MTTP: variants seen among roughly 807,000 people sequenced by gnomAD.
The protein encoded by MTTP is microsomal triglyceride transfer protein large subunit.
In MTTP, 49 loss-of-function variants were observed where a neutral mutation model predicts 90.6. The observed-to-expected ratio is 0.54, with a 90% CI of 0.43 to 0.69. MTTP has a LOEUF of 0.69. Among genes scored for constraint, MTTP ranks in the 30% least tolerant of loss-of-function variants. The pLI is 0.00. For synonymous variants in MTTP, 347 were observed against 384.2 expected (o/e 0.90, Z 1.13); for missense variants, 945 against 1,067.5 (o/e 0.89, Z 1.60).
chr4:99,601,649 A>G lies in MTTP; in HGVS notation c.1279A>G (p.Thr427Ala). Reference protein sequence around the residue: ...GSIGSSDIRETVMIITGTLVR... With the variant: ...GSIGSSDIREAVMIITGTLVR... ...TATTGGTAGCAGTGACATCAGAGAA[A>G]CTGTTATGATCATCACTGGGACACT... Residue 427 changes from threonine (T) to alanine (A), a missense_variant, in exon 10 of 18, where the codon ACT becomes GCT. Thr to Ala is a moderately conservative substitution (Grantham distance 58). Transcript: ENST00000265517. 1 of 1,613,098 alleles carries G rather than the reference A, an allele frequency of 6.2e-7. No homozygotes were observed. Among genetic ancestry groups the G allele is most frequent in the Non-Finnish European group, 8.5e-7 (1 of 1,179,290 alleles).
At chr4:99,578,500 G>A (rs943569608) in intron 1 of MTTP, among the ~76,000 whole-genome samples, 2 of 152,148 alleles carry the variant, frequency 1.3e-5, no homozygotes, top group African/African-American at 4.8e-5. Context: ...TATTTGAACC[G>A]TTTTAGGCTT....
chr4:99,581,628 A>C (rs1483894676), intron 1 of MTTP, among the ~76,000 whole-genome samples: 1 of 152,208 alleles, frequency 6.6e-6, no homozygotes, highest in African/African-American at 2.4e-5. Flanking sequence ...AAACAAAAAA[A>C]AACCCAAAAT....
chr4:99,583,551 C>T lies in MTTP; in HGVS notation c.393+34C>T, dbSNP rs769131968. On this transcript the variant is annotated intron_variant, in intron 3 of 17. Transcript: ENST00000265517. The stretch of plus-strand genomic sequence containing the variant: ...GCGTTTAGATTCCACAACTTTTTCT[C>T]CAACTTCATATTTTTCTTCCCTTCA... The T allele has an allele frequency of 3.1e-6, 5 of 1,612,522 alleles. No individual in the cohort carries two copies. The East Asian group carries it at 1.1e-4, about 36-fold the overall frequency.
At chr4:99,617,430 A>G (rs1726124307) in intron 15 of MTTP, among the ~76,000 whole-genome samples, 1 of 152,140 alleles carries the variant, frequency 6.6e-6, no homozygotes, top group Admixed American at 6.5e-5. Context: ...TTTTTTTGGA[A>G]AGTGAAGAGA....
At chr4:99,568,426 A>G (rs955832402) in intron 1 of MTTP, among the ~76,000 whole-genome samples, 8 of 152,298 alleles carry the variant, frequency 5.3e-5, no homozygotes, top group African/African-American at 1.9e-4. Context: ...ATAGGTATAA[A>G]TCTAAAAAAT....
At chr4:99,605,657 G>T (rs142993446) in intron 10 of MTTP, among the ~76,000 whole-genome samples, 1 of 152,140 alleles carries the variant, frequency 6.6e-6, no homozygotes, top group East Asian at 1.9e-4. Context: ...ACCATTTTAG[G>T]CTTTCATCAG....
At chr4:99,579,017 A>T (rs1327662809) in intron 1 of MTTP, among the ~76,000 whole-genome samples, 1 of 152,210 alleles carries the variant, frequency 6.6e-6, no homozygotes, top group African/African-American at 2.4e-5. Flanking sequence ...AATGCAGAAG[A>T]CATAGAGATA....
At chr4:99,594,335 T>C (rs1725497969) in intron 6 of MTTP, among the ~76,000 whole-genome samples, 1 of 152,014 alleles carries the variant, frequency 6.6e-6, no homozygotes, top group African/African-American at 2.4e-5. Context: ...AAAAATAGAG[T>C]TGAGACTATT....
intron 8 of MTTP, 115 bp from the exon 9 acceptor site, chr4:99,600,447 TAAA>T: frequency 1.0e-6 from 1 of 987,750 alleles, no homozygotes. Context: ...TTGTTCAAAT[TAAA>T]AAAAAAATCA....
At chr4:99,588,696 T>TAC (rs200397669) in intron 3 of MTTP, among the ~76,000 whole-genome samples, 3,175 of 126,092 alleles carry the variant, frequency 0.025, 57 homozygotes, top group Non-Finnish European at 0.033. Flanking sequence ...AATATATATA[T>TAC]ACACACATAT....
chr4:99,572,507 C>G (rs1724861468), upstream of MTTP, among the ~76,000 whole-genome samples: 1 of 151,836 alleles, frequency 6.6e-6, no homozygotes, highest in Non-Finnish European at 1.5e-5. Context: ...TTCTGTAGTC[C>G]TAATATCACT....
Position 99,623,344 on chromosome 4 carries a change from T to C in MTTP, c.*496T>C. On this transcript the variant is annotated 3_prime_UTR_variant, in exon 18 of 18. Coordinates refer to ENST00000265517, the MANE Select transcript of MTTP (RefSeq NM_001386140.1). ...CCATTTTTTTTCTCTTTTTTTGGAG[T>C]TGGGGGCCCAGGGAGAAGGGACAAG... 1 of 162,790 alleles carries C rather than the reference T, an allele frequency of 6.1e-6. No individual in the cohort carries two copies. The highest frequency in any genetic ancestry group is 1.6e-4 in the South Asian group (1 of 6,266). 10.1% of individuals were successfully genotyped at this position (162,790 alleles called of 1,614,324 possible).
In MTTP at chr4:99,616,172, T is replaced by A. The variant is rs565410977; in HGVS notation, c.2218-2802T>A. Among the ~76,000 whole-genome samples, 338 of 152,246 alleles carry A rather than the reference T, an allele frequency of 2.2e-3. 1 individual carries two copies. The highest frequency in any genetic ancestry group is 7.7e-3 in the African/African-American group (318 of 41,546). On this transcript the variant is annotated intron_variant, in intron 15 of 17. Transcript: ENST00000265517. ...ACTTTGGGTGGCCAAGGCAGGTGGA[T>A]CCCTTGAGCTCAGAAGTTTGAGACC...
intron 9 of MTTP, among the ~76,000 whole-genome samples, chr4:99,601,229 A>G (rs1725687808): frequency 6.6e-6 from 1 of 152,116 alleles, no homozygotes; most frequent in Non-Finnish European, 1.5e-5. Context: ...AATAGTTCAT[A>G]ATCTTTATGG....
intron 17 of MTTP, among the ~76,000 whole-genome samples, chr4:99,621,456 A>G (rs996951800): frequency 9.9e-5 from 15 of 152,200 alleles, no homozygotes; most frequent in African/African-American, 2.9e-4. Flanking sequence ...TTCTGGAGAT[A>G]GTTATCATAT....
chr4:99,581,082 T>C (rs1032995503), intron 1 of MTTP, among the ~76,000 whole-genome samples: 5 of 152,162 alleles, frequency 3.3e-5, no homozygotes, highest in East Asian at 1.9e-4. Context: ...GAGCCATACA[T>C]AGAAAATATA....
chr4:99,570,446 C>G (rs1724817459), upstream of MTTP, among the ~76,000 whole-genome samples: 2 of 151,960 alleles, frequency 1.3e-5, no homozygotes, highest in Admixed American at 6.6e-5. Flanking sequence ...TCTTCTCTCT[C>G]TCTCTGATAT....
chr4:99,574,020 T>G (rs1724895075), upstream of MTTP, among the ~76,000 whole-genome samples: 1 of 152,216 alleles, frequency 6.6e-6, no homozygotes, highest in Non-Finnish European at 1.5e-5. Context: ...GGTATTTGCT[T>G]TAATTCTACA....
intron 17 of MTTP, among the ~76,000 whole-genome samples, chr4:99,621,640 G>C (rs529585571): frequency 6.6e-6 from 1 of 152,134 alleles, no homozygotes; most frequent in Non-Finnish European, 1.5e-5. Context: ...CCATGTTTAA[G>C]GGCCAAAATG....
Sources: gnomAD v4.1 joint callset for allele counts (sites outside exome capture counted in the v4.1 genomes callset) on GRCh38, gnomAD v4.1.1 for gene constraint, MANE v1.5 for transcripts, NCBI Gene and HGNC (gene_info 2026-07-23, HGNC 2026-07-21) for gene names.